SLCO3A1: variants seen among roughly 807,000 people sequenced by gnomAD.
The protein encoded by SLCO3A1 is PGE1 transporter.
In SLCO3A1, 27 loss-of-function variants were observed where a neutral mutation model predicts 63.1. The ratio of observed to expected loss-of-function variants is 0.43; its 90% CI spans 0.32 to 0.59. The LOEUF (loss-of-function observed/expected upper bound fraction) is 0.59, where lower values mean the gene tolerates loss of function less well. Ranked by LOEUF, SLCO3A1 falls within the 20% of genes least tolerant of loss-of-function variation. The pLI is 0.09. For synonymous variants in SLCO3A1, 473 were observed against 409.9 expected (o/e 1.15, Z -1.86); for missense variants, 773 against 945.8 (o/e 0.82, Z 2.40).
rs1183189673 is a variant in SLCO3A1, at chr15:91,885,261, T to C, written c.181-30732T>C. Among the ~76,000 whole-genome samples, 1 of 152,142 alleles carries C rather than the reference T, an allele frequency of 6.6e-6. No individual in the cohort carries two copies. Among genetic ancestry groups the C allele is most frequent in the Non-Finnish European group, 1.5e-5 (1 of 68,006 alleles). ...CCCCTGGCTGGGCCTTTTCTCACCA[T>C]CTTCCTTCTCCAGGGCTACCTCCTG... On this transcript the variant is annotated intron_variant, in intron 1 of 9. Transcript: ENST00000318445. The surrounding 1 kb of genome is among the most constrained non-coding windows in gnomAD (Gnocchi z 4.7).
chr15:92,012,439 C>T (rs2046379400), intron 2 of SLCO3A1, among the ~76,000 whole-genome samples: 1 of 152,184 alleles, frequency 6.6e-6, no homozygotes, highest in Admixed American at 6.5e-5. Context: ...GCATGTGTGT[C>T]ACTCATTTCA....
chr15:92,150,928 C>A (rs1405277423), intron 8 of SLCO3A1, 22 bp from the exon 9 acceptor site: 1 of 1,544,092 alleles, frequency 6.5e-7, no homozygotes, highest in Non-Finnish European at 8.8e-7. Context: ...TTTTTTTTTT[C>A]TCTTCATCTC....
intron 7 of SLCO3A1, among the ~76,000 whole-genome samples, chr15:92,146,672 A>G (rs1000408227): frequency 6.6e-6 from 1 of 152,246 alleles, no homozygotes; most frequent in Non-Finnish European, 1.5e-5. Flanking sequence ...CATATTGTGG[A>G]AGCGCAATTT....
intron 7 of SLCO3A1, among the ~76,000 whole-genome samples, chr15:92,142,503 C>T (rs1416779509): frequency 2.0e-5 from 3 of 152,148 alleles, no homozygotes; most frequent in South Asian, 2.1e-4. Context: ...AGTCCTCTAC[C>T]CTCGTGACCT....
chr15:92,076,814 A>AG (rs2047283106), intron 2 of SLCO3A1, among the ~76,000 whole-genome samples: 1 of 152,214 alleles, frequency 6.6e-6, no homozygotes, highest in Non-Finnish European at 1.5e-5. Flanking sequence ...GGTTTAAAAT[A>AG]GGGGATGAGT....
In SLCO3A1 at chr15:91,916,850, G is replaced by GTCC. The variant is rs569601687; in HGVS notation, c.646+394_646+396dup. On this transcript the variant is annotated intron_variant, in intron 2 of 9. Transcript: ENST00000318445. The surrounding 1 kb of genome is among the most constrained non-coding windows in gnomAD (Gnocchi z 6.2). ...TCCAGCTTTGAAGAATCAGAATGAT[G>GTCC]TCCTGGTCATTGTCCTGTTGCAGCT... Among the ~76,000 whole-genome samples the GTCC allele has an allele frequency of 1.7e-3, 254 of 152,320 alleles. No individual in the cohort carries two copies. Among genetic ancestry groups the GTCC allele is most frequent in the African/African-American group, 5.8e-3 (242 of 41,566 alleles).
At chr15:91,938,222 T>C (rs1899483681) in intron 2 of SLCO3A1, among the ~76,000 whole-genome samples, 3 of 152,298 alleles carry the variant, frequency 2.0e-5, no homozygotes, top group African/African-American at 7.2e-5. Flanking sequence ...CTATCTGCGT[T>C]ATGAGGATTC....
At chr15:92,095,520 C>G (rs569787200) in intron 3 of SLCO3A1, among the ~76,000 whole-genome samples, 2 of 152,188 alleles carry the variant, frequency 1.3e-5, no homozygotes, top group Non-Finnish European at 2.9e-5. Flanking sequence ...CCATTTTAAG[C>G]AGAACCTGTG....
At chr15:92,154,262 G>A (rs1206089133) in intron 9 of SLCO3A1, among the ~76,000 whole-genome samples, 3 of 152,214 alleles carry the variant, frequency 2.0e-5, no homozygotes, top group Non-Finnish European at 2.9e-5. Flanking sequence ...CACCCACAGT[G>A]CCCACTCCTA....
chr15:92,130,390 G>A (rs912410285), intron 7 of SLCO3A1, among the ~76,000 whole-genome samples: 3 of 152,236 alleles, frequency 2.0e-5, no homozygotes, highest in Non-Finnish European at 4.4e-5. Context: ...CTGCTGGGGT[G>A]TAGGTGAGGC....
rs1343195565 is a variant in SLCO3A1, at chr15:91,865,612, G to T, written c.180+11524G>T. On this transcript the variant is annotated intron_variant, in intron 1 of 9. Coordinates refer to ENST00000318445, the MANE Select transcript of SLCO3A1 (RefSeq NM_013272.4). The surrounding 1 kb of genome is among the most constrained non-coding windows in gnomAD (Gnocchi z 4.6). ...TTCATGGCATGTGGGGGTGGCCAAGGGTCCTTGGATTCCTTGGCTCGCAGC... is the reference window on the plus strand; with the variant it reads ...TTCATGGCATGTGGGGGTGGCCAAGTGTCCTTGGATTCCTTGGCTCGCAGC... Among the ~76,000 whole-genome samples, 4 of 152,118 alleles carry T rather than the reference G, an allele frequency of 2.6e-5. No individual in the cohort carries two copies. The highest frequency in any genetic ancestry group is 5.9e-5 in the Non-Finnish European group (4 of 68,020).
rs12909559 is a variant in SLCO3A1, at chr15:91,878,903, T to A, written c.180+24815T>A. On this transcript the variant is annotated intron_variant, in intron 1 of 9. Coordinates refer to ENST00000318445, the MANE Select transcript of SLCO3A1 (RefSeq NM_013272.4). ...TAAGAATTTGGGCTTTTTTTCCTCC[T>A]TACCAGTTTTATCCATTTCTCTCTT... 9.8e-3 allele frequency among the ~76,000 whole-genome samples: 1,486 copies of A among 152,370 alleles called. 17 individuals carry two copies. The highest frequency in any genetic ancestry group is 0.016 in the Non-Finnish European group (1,110 of 68,030).
chr15:92,045,910 T>G (rs2046856118), intron 2 of SLCO3A1, among the ~76,000 whole-genome samples: 1 of 152,166 alleles, frequency 6.6e-6, no homozygotes. Context: ...CAGCCTTTGA[T>G]CCCAAATCTA....
chr15:91,911,458 C>T (rs1306640234), intron 1 of SLCO3A1, among the ~76,000 whole-genome samples: 1 of 152,088 alleles, frequency 6.6e-6, no homozygotes, highest in African/African-American at 2.4e-5. Context: ...TCAGCAGTCT[C>T]ACACTCTCTG....
chr15:91,889,861 A>AG (rs1468060761), intron 1 of SLCO3A1, among the ~76,000 whole-genome samples: 2 of 150,978 alleles, frequency 1.3e-5, no homozygotes, highest in Non-Finnish European at 2.9e-5. Flanking sequence ...ATTTTCTGTT[A>AG]CATTTAAGAC....
At chr15:91,926,609 G>A (rs555474124) in intron 2 of SLCO3A1, among the ~76,000 whole-genome samples, 2 of 150,134 alleles carry the variant, frequency 1.3e-5, no homozygotes, top group Middle Eastern at 3.4e-3. Flanking sequence ...GCGCGCGCAC[G>A]CCCATGCTTA....
chr15:91,972,565 T>C (rs995747058), intron 2 of SLCO3A1, among the ~76,000 whole-genome samples: 1 of 152,164 alleles, frequency 6.6e-6, no homozygotes, highest in Non-Finnish European at 1.5e-5. Context: ...TTTCTGTTGT[T>C]TATAAGCCAC....
In SLCO3A1 at chr15:92,097,252, G is replaced by A. The variant is rs533448050; in HGVS notation, c.745+2273G>A. Among the ~76,000 whole-genome samples, 4 of 151,976 alleles carry A rather than the reference G, an allele frequency of 2.6e-5. No individual in the cohort carries two copies. The South Asian group carries it at 8.3e-4, about 32-fold the overall frequency. Reference sequence around the variant, plus strand: ...AATGAGGAAACCAAGTCACAGAGAGGGGAAGGGATGTCCCCAATCCAAGGA... The same window carrying A: ...AATGAGGAAACCAAGTCACAGAGAGAGGAAGGGATGTCCCCAATCCAAGGA... On this transcript the variant is annotated intron_variant, in intron 3 of 9. Coordinates refer to ENST00000318445, the MANE Select transcript of SLCO3A1 (RefSeq NM_013272.4).
At chr15:91,890,342 T>C (rs1355941613) in intron 1 of SLCO3A1, among the ~76,000 whole-genome samples, 1 of 152,206 alleles carries the variant, frequency 6.6e-6, no homozygotes, top group East Asian at 1.9e-4. Context: ...TTAAGTAAGT[T>C]GCCTGGTCCC....
Sources: allele counts gnomAD v4.1 joint callset (sites outside exome capture counted in the v4.1 genomes callset), GRCh38; gene constraint gnomAD v4.1.1; non-coding constraint Gnocchi (gnomAD v3.1); transcripts MANE v1.5; gene names NCBI Gene and HGNC (gene_info 2026-07-23, HGNC 2026-07-21).